PARD3B: variants seen among roughly 807,000 people sequenced by gnomAD.
PARD3B encodes partitioning defective 3 homolog B.
In PARD3B, 103 loss-of-function variants were observed where a neutral mutation model predicts 130.2. That is an observed-to-expected ratio of 0.79 (90% CI 0.67 to 0.93). PARD3B has a LOEUF of 0.93. Among genes scored for constraint, PARD3B ranks in the 40% least tolerant of loss-of-function variants. The pLI is 0.00. For missense variants in PARD3B, 1,609 were observed against 1,499.2 expected (o/e 1.07, Z -1.21); for synonymous variants, 583 against 553.2 (o/e 1.05, Z -0.76).
chr2:204,935,449 G>C (rs1022671524), intron 2 of PARD3B, among the ~76,000 whole-genome samples: 34 of 151,700 alleles, frequency 2.2e-4, no homozygotes, highest in African/African-American at 8.2e-4. Flanking sequence ...TGAGGCAGGA[G>C]AATGGTGTGA....
chr2:205,052,419 G>GTGTATATATA (rs1467760914), intron 4 of PARD3B, among the ~76,000 whole-genome samples: 1 of 39,764 alleles, frequency 2.5e-5, no homozygotes, highest in Non-Finnish European at 4.7e-5. Context: ...ATATATATAT[G>GTGTATATATA]TATATATATA....
chr2:204,867,506 TGC>T (rs2045473143), intron 2 of PARD3B, among the ~76,000 whole-genome samples: 1 of 152,232 alleles, frequency 6.6e-6, no homozygotes, highest in Non-Finnish European at 1.5e-5. Flanking sequence ...CATTACAACA[TGC>T]TTAATGGGCT....
intron 22 of PARD3B, among the ~76,000 whole-genome samples, chr2:205,570,198 C>A (rs936139517): frequency 1.3e-5 from 2 of 152,122 alleles, no homozygotes; most frequent in Non-Finnish European, 2.9e-5. Context: ...CCCTCAAATT[C>A]TCTGAAGTTA....
rs150685438 is a variant in PARD3B at position 204,574,789 on chromosome 2, C to A, written c.120+28670C>A. Among the ~76,000 whole-genome samples, 1,125 of 152,312 alleles carry A rather than the reference C, an allele frequency of 7.4e-3. 6 individuals are homozygous for A. The highest frequency in any genetic ancestry group is 0.012 in the Non-Finnish European group (784 of 68,028). ...ATCATGTCTGTGTTTCTCAAGCAGA[C>A]TTTGAGCAGGTCCAGCTATGGTATC... On this transcript the variant is annotated intron_variant, in intron 1 of 22. Coordinates refer to ENST00000406610, the MANE Select transcript of PARD3B (RefSeq NM_001302769.2).
At chr2:205,510,144 T>A (rs1049366424) in intron 21 of PARD3B, among the ~76,000 whole-genome samples, 38 of 152,168 alleles carry the variant, frequency 2.5e-4, no homozygotes, top group African/African-American at 9.2e-4. Flanking sequence ...GGGCAATTTA[T>A]TTTACCTGTC....
intron 2 of PARD3B, among the ~76,000 whole-genome samples, chr2:204,865,142 G>T (rs1174256135): frequency 6.6e-6 from 1 of 152,166 alleles, no homozygotes; most frequent in Admixed American, 6.5e-5. Flanking sequence ...CATAGATGTG[G>T]TAAAAAGAGA....
intron 15 of PARD3B, among the ~76,000 whole-genome samples, chr2:205,196,425 T>G (rs1186009800): frequency 2.0e-5 from 3 of 152,188 alleles, no homozygotes; most frequent in African/African-American, 7.2e-5. Context: ...TTGTCCTCTT[T>G]CATTTATAAA....
intron 15 of PARD3B, among the ~76,000 whole-genome samples, chr2:205,203,246 T>A (rs111997691): frequency 1.3e-5 from 2 of 152,134 alleles, no homozygotes; most frequent in African/African-American, 4.8e-5. Context: ...GATTAGAAAT[T>A]TTGGTCAATG....
At chr2:204,562,465 A>G (rs886558063) in intron 1 of PARD3B, among the ~76,000 whole-genome samples, 15 of 152,252 alleles carry the variant, frequency 9.9e-5, no homozygotes, top group African/African-American at 3.6e-4. Flanking sequence ...TATGTGTAAT[A>G]GAGATAATTT....
chr2:205,260,649 G>A (rs1164123638), intron 16 of PARD3B, among the ~76,000 whole-genome samples: 1 of 152,010 alleles, frequency 6.6e-6, no homozygotes, highest in East Asian at 1.9e-4. Flanking sequence ...TAATTTCTTG[G>A]CTGACAGTTT....
intron 2 of PARD3B, among the ~76,000 whole-genome samples, chr2:204,704,056 G>T (rs1199874191): frequency 6.6e-6 from 1 of 152,106 alleles, no homozygotes; most frequent in Non-Finnish European, 1.5e-5. Flanking sequence ...GAAAATGAGT[G>T]CTCAGGTATG....
At chr2:205,548,948 C>A (rs1425608188) in intron 21 of PARD3B, among the ~76,000 whole-genome samples, 1 of 152,026 alleles carries the variant, frequency 6.6e-6, no homozygotes, top group Non-Finnish European at 1.5e-5. Flanking sequence ...AAAAAATGGG[C>A]CAAAGACCTC....
At chr2:205,472,552 A>C (rs1033807069) in intron 20 of PARD3B, among the ~76,000 whole-genome samples, 1 of 152,166 alleles carries the variant, frequency 6.6e-6, no homozygotes, top group African/African-American at 2.4e-5. Flanking sequence ...GGCTGAAAAA[A>C]ATTGTTGGCT....
At chr2:204,997,024 C>G (rs1300006702) in intron 3 of PARD3B, among the ~76,000 whole-genome samples, 1 of 152,098 alleles carries the variant, frequency 6.6e-6, no homozygotes, top group East Asian at 1.9e-4. Context: ...GATGGAAATG[C>G]AGAAATCACC....
At chr2:204,746,931 T>C (rs1209584654) in intron 2 of PARD3B, among the ~76,000 whole-genome samples, 2 of 152,208 alleles carry the variant, frequency 1.3e-5, no homozygotes, top group East Asian at 3.9e-4. Flanking sequence ...GTAGGTTGCC[T>C]GTTCATTCTG....
In PARD3B at chr2:204,883,417, AAT is replaced by A. The variant is rs71408995; in HGVS notation, c.223-81721_223-81720del. Among the ~76,000 whole-genome samples the A allele has an allele frequency of 3.8e-3, 407 of 105,800 alleles. 4 individuals are homozygous for A. Among genetic ancestry groups the A allele is most frequent in the African/African-American group, 0.015 (336 of 21,984 alleles). The allele number at this position is 105,800 out of a possible 152,430, so 69.4% of individuals were successfully genotyped here. ...ATGTATATATATATTATATATATAT[AAT>A]ATATATATATATAAAATATATATAT... On this transcript the variant is annotated intron_variant, in intron 2 of 22. Transcript: ENST00000406610.
chr2:204,564,629 C>CA (rs537512169), intron 1 of PARD3B, among the ~76,000 whole-genome samples: 49 of 150,438 alleles, frequency 3.3e-4, no homozygotes, highest in African/African-American at 9.0e-4. Context: ...AACTACAAAA[C>CA]AAAAAAAAAT....
At chr2:205,395,910 G>T (rs375739810) in intron 18 of PARD3B, among the ~76,000 whole-genome samples, 1 of 151,994 alleles carries the variant, frequency 6.6e-6, no homozygotes, top group Non-Finnish European at 1.5e-5. Flanking sequence ...GCTTCTCTGC[G>T]CCTTGAATGA....
intron 2 of PARD3B, among the ~76,000 whole-genome samples, chr2:204,941,014 G>A (rs1044136896): frequency 1.3e-5 from 2 of 152,110 alleles, no homozygotes; most frequent in Admixed American, 6.5e-5. Context: ...ATTCAGTGTT[G>A]TATGTTCTAT....
Sources: gnomAD v4.1 joint callset for allele counts (sites outside exome capture counted in the v4.1 genomes callset) on GRCh38, gnomAD v4.1.1 for gene constraint, MANE v1.5 for transcripts, NCBI Gene and HGNC (gene_info 2026-07-23, HGNC 2026-07-21) for gene names.